Variants in SLC4A10 observed in about 807,000 individuals in gnomAD.
The protein encoded by SLC4A10 is solute carrier family 4 member 10, also known as sodium-driven chloride bicarbonate exchanger.
Under a neutral mutation model 137.7 loss-of-function variants are expected in SLC4A10, and 42 were observed. The ratio of observed to expected loss-of-function variants is 0.30; its 90% CI spans 0.24 to 0.39. The LOEUF is 0.39. SLC4A10 is among the 10% of genes least tolerant of loss of function. SLC4A10 has a pLI of 1.00. For missense variants in SLC4A10, 925 were observed against 1,355.0 expected, an observed-to-expected ratio of 0.68 and a Z score of 4.98; for synonymous variants, 474 against 464.1, an observed-to-expected ratio of 1.02 and a Z score of -0.27.
intron 1 of SLC4A10, among the ~76,000 whole-genome samples, chr2:161,706,694 C>T (rs928274075): frequency 1.3e-5 from 2 of 151,474 alleles, no homozygotes; most frequent in Non-Finnish European, 3.0e-5. Context: ...TGACGCTTAC[C>T]GTGACTGGGC....
At chr2:161,869,720 TAGAC>T (rs1269617663) in intron 6 of SLC4A10, among the ~76,000 whole-genome samples, 1 of 151,624 alleles carries the variant, frequency 6.6e-6, no homozygotes, top group African/African-American at 2.4e-5. Context: ...TTAGAAATAA[TAGAC>T]AAGAAATAAC....
intron 1 of SLC4A10, among the ~76,000 whole-genome samples, chr2:161,694,906 AT>A (rs1433796290): frequency 6.6e-6 from 1 of 151,814 alleles, no homozygotes; most frequent in Non-Finnish European, 1.5e-5. Flanking sequence ...TCAACATTGA[AT>A]TTTTTTTATA....
At chr2:161,828,728 C>T (rs72879222) in intron 3 of SLC4A10, among the ~76,000 whole-genome samples, 8,885 of 125,008 alleles carry the variant, frequency 0.071, 422 homozygotes, top group East Asian at 0.19. Flanking sequence ...GCTTCAGGTT[C>T]GGCTGGATTC....
At chr2:161,653,787 C>G (rs2037143111) in intron 1 of SLC4A10, among the ~76,000 whole-genome samples, 1 of 152,130 alleles carries the variant, frequency 6.6e-6, no homozygotes, top group South Asian at 2.1e-4. Context: ...ATGCGTTCAT[C>G]CATCAGTGGA....
intron 1 of SLC4A10, among the ~76,000 whole-genome samples, chr2:161,723,835 G>T (rs2045943362): frequency 6.6e-6 from 1 of 152,158 alleles, no homozygotes. Flanking sequence ...GAGAATTGCT[G>T]CTTTACATAC....
chr2:161,854,910 A>G (rs2060018686), intron 4 of SLC4A10, 60 bp from the exon 5 acceptor site: 19 of 1,451,936 alleles, frequency 1.3e-5, no homozygotes, highest in Non-Finnish European at 1.7e-5. Flanking sequence ...TATTTTTGGT[A>G]TAAAGGATCA....
chr2:161,762,751 T>C (rs961953913), intron 1 of SLC4A10, among the ~76,000 whole-genome samples: 1 of 152,018 alleles, frequency 6.6e-6, no homozygotes, highest in African/African-American at 2.4e-5. Flanking sequence ...GTTTGGAAAA[T>C]TCATGTTTTA....
At chr2:161,839,129 TGA>T (rs1484981585) in intron 3 of SLC4A10, among the ~76,000 whole-genome samples, 1 of 152,194 alleles carries the variant, frequency 6.6e-6, no homozygotes, top group Non-Finnish European at 1.5e-5. Flanking sequence ...TACTCAGCTA[TGA>T]AAAAGAATGA....
intron 3 of SLC4A10, among the ~76,000 whole-genome samples, chr2:161,832,685 G>C (rs1333957498): frequency 6.6e-6 from 1 of 152,012 alleles, no homozygotes; most frequent in Non-Finnish European, 1.5e-5. Flanking sequence ...TTGGGCTGTG[G>C]GGTGGGGAGA....
At chr2:161,891,640 C>T (rs2062934337) in intron 10 of SLC4A10, among the ~76,000 whole-genome samples, 1 of 151,998 alleles carries the variant, frequency 6.6e-6, no homozygotes, top group Non-Finnish European at 1.5e-5. Flanking sequence ...TGTTTTTCAG[C>T]TCCATCAGGT....
Position 161,640,639 on chromosome 2 carries a change from TC to T in SLC4A10, c.48+16075del, listed in dbSNP as rs1275512466. 6.8e-3 allele frequency among the ~76,000 whole-genome samples: 992 copies of T among 146,204 alleles called. 20 individuals carry two copies. The highest frequency in any genetic ancestry group is 0.021 in the African/African-American group (797 of 38,402). On this transcript the variant is annotated intron_variant, in intron 1 of 26. Transcript: ENST00000446997. ...TTCCTTCCTTCCTTCCTTCCTTCCTTCCTTCCTTCCTTCCTTCCTTCTTTCT... is the reference window on the plus strand; with the variant it reads ...TTCCTTCCTTCCTTCCTTCCTTCCTTCTTCCTTCCTTCCTTCCTTCTTTCT...
chr2:161,718,993 G>A (rs1287205627), intron 1 of SLC4A10, among the ~76,000 whole-genome samples: 1 of 152,092 alleles, frequency 6.6e-6, no homozygotes, highest in African/African-American at 2.4e-5. Context: ...ATGCTGGTGT[G>A]CTGCACCCAT....
intron 1 of SLC4A10, among the ~76,000 whole-genome samples, chr2:161,704,060 A>G (rs1432118665): frequency 2.0e-5 from 3 of 151,710 alleles, no homozygotes; most frequent in Non-Finnish European, 4.4e-5. Flanking sequence ...CACTTCTCAA[A>G]AAAAGAGAAG....
At chr2:161,910,158 G>A (rs1010927029) in intron 15 of SLC4A10, among the ~76,000 whole-genome samples, 5 of 152,048 alleles carry the variant, frequency 3.3e-5, no homozygotes, top group Non-Finnish European at 7.4e-5. Context: ...TTTATACTTA[G>A]CCTCCTACAA....
intron 3 of SLC4A10, among the ~76,000 whole-genome samples, chr2:161,827,928 G>T (rs1375007972): frequency 6.6e-6 from 1 of 152,132 alleles, no homozygotes; most frequent in Non-Finnish European, 1.5e-5. Context: ...CTCTTTTGGG[G>T]CTTGGTCCAA....
At position 161,667,460 on chromosome 2, in the gene SLC4A10, T is replaced by G. The variant is rs541311981; in HGVS notation, c.48+42894T>G. Among the ~76,000 whole-genome samples the G allele has an allele frequency of 6.9e-4, 104 of 151,646 alleles. 1 individual carries two copies. The highest frequency in any genetic ancestry group is 5.8e-3 in the South Asian group (28 of 4,816). On this transcript the variant is annotated intron_variant, in intron 1 of 26. Coordinates refer to ENST00000446997, the MANE Select transcript of SLC4A10 (RefSeq NM_001178015.2). The stretch of plus-strand genomic sequence containing the variant: ...AAGAAGGTTATCAGATACAAACACT[T>G]AATCGTTTATGATTCAGCAACAAGA...
At chr2:161,899,155 T>C (rs1312956771) in intron 11 of SLC4A10, among the ~76,000 whole-genome samples, 1 of 152,112 alleles carries the variant, frequency 6.6e-6, no homozygotes, top group Admixed American at 6.6e-5. Context: ...AACCTATCTC[T>C]TCACATCTAC....
In SLC4A10 at chr2:161,976,799, A is replaced by G. The variant is rs758796639; in HGVS notation, c.3267A>G (p.Ser1089=). The change falls in exon 25 of 27, where the codon TCA becomes TCG. Residue 1089 remains serine (S), a synonymous_variant. Coordinates refer to ENST00000446997, the MANE Select transcript of SLC4A10 (RefSeq NM_001178015.2). Reference sequence around the variant, plus strand: ...TGATCAATATATCTGATGAAATGTCAAAGACTGCCTTGTGGAGGAACCTTC... The same window carrying G: ...TGATCAATATATCTGATGAAATGTCGAAGACTGCCTTGTGGAGGAACCTTC... ...PSVINISDEM[S]KTALWRNLLI... is the part of the protein sequence containing the mutation. 3 of 1,604,370 alleles carry G rather than the reference A, an allele frequency of 1.9e-6. No homozygotes were observed. Among genetic ancestry groups the G allele is most frequent in the Non-Finnish European group, 1.7e-6 (2 of 1,175,198 alleles).
intron 15 of SLC4A10, among the ~76,000 whole-genome samples, chr2:161,911,163 A>C (rs1194324161): frequency 6.6e-6 from 1 of 152,004 alleles, no homozygotes; most frequent in Non-Finnish European, 1.5e-5. Context: ...AATTGACATT[A>C]CTCGGCCAAT....
Sources: gnomAD v4.1 joint callset for allele counts (sites outside exome capture counted in the v4.1 genomes callset) on GRCh38, gnomAD v4.1.1 for gene constraint, MANE v1.5 for transcripts, NCBI Gene and HGNC (gene_info 2026-07-23, HGNC 2026-07-21) for gene names.